NOL7: variants seen among roughly 807,000 people sequenced by gnomAD.
NOL7 encodes nucleolar protein 7, also known as U3 small nucleolar RNA-associated protein NOL7.
A neutral mutation model predicts 38.4 loss-of-function variants in NOL7; 36 were observed. The ratio of observed to expected loss-of-function variants is 0.94; its 90% confidence interval spans 0.72 to 1.24. The LOEUF is 1.24. NOL7 is among the 50% of genes most tolerant of loss of function. The pLI is 0.00. For missense variants in NOL7, 350 were observed against 315.1 expected, an observed-to-expected ratio of 1.11 and a Z score of -0.84; for synonymous variants, 142 against 126.5, an observed-to-expected ratio of 1.12 and a Z score of -0.82.
chr6:13,615,451 G>A lies in NOL7; in HGVS notation c.93G>A (p.Ala31=). The A allele has an allele frequency of 2.6e-6, 4 of 1,550,028 alleles. No homozygotes were observed. The highest frequency in any genetic ancestry group is 1.8e-4 in the Middle Eastern group (1 of 5,686). The part of the protein sequence containing the change: ...EGQLASEEEE[A]EHGLLLGQPS... ...AGCTGGCCTCGGAGGAGGAGGAGGCGGAGCACGGGCTGTTGCTCGGGCAGC... is the reference window on the plus strand; with the variant it reads ...AGCTGGCCTCGGAGGAGGAGGAGGCAGAGCACGGGCTGTTGCTCGGGCAGC... The change falls in exon 1 of 8, where the codon GCG becomes GCA. Residue 31 remains alanine, a synonymous_variant. Coordinates refer to ENST00000451315, the MANE Select transcript of NOL7 (RefSeq NM_016167.5).
chr6:13,617,144 C>G (rs1584899339), intron 3 of NOL7, among the ~76,000 whole-genome samples: 1 of 152,086 alleles, frequency 6.6e-6, no homozygotes, highest in African/African-American at 2.4e-5. Flanking sequence ...AAGAGTTACT[C>G]AGATCCTGAA....
downstream of NOL7, chr6:13,622,488 G>A (rs760604355): frequency 5.1e-6 from 8 of 1,560,718 alleles, no homozygotes; most frequent in Admixed American, 1.0e-4. Context: ...GCAGATTGTG[G>A]GTTTCTGAGG....
intron 8 of NOL7, among the ~76,000 whole-genome samples, chr6:13,630,479 A>G (rs1441280702): frequency 6.6e-6 from 1 of 152,034 alleles, no homozygotes; most frequent in African/African-American, 2.4e-5. Flanking sequence ...AAGAAAACCA[A>G]GTCAGATGAC....
At chr6:13,622,180 T>G (rs1764469636), downstream of NOL7, 1 of 507,696 alleles carries the variant, frequency 2.0e-6, no homozygotes, top group Non-Finnish European at 3.0e-6. Context: ...GGAAAATAAT[T>G]TCTCCTAACA....
chr6:13,625,465 T>G (rs1055341665), downstream of NOL7, among the ~76,000 whole-genome samples: 5 of 152,216 alleles, frequency 3.3e-5, no homozygotes, highest in African/African-American at 9.6e-5. Flanking sequence ...ACTGTTTTTA[T>G]TCTATTTAAA....
chr6:13,616,716 C>T (rs1193874781), intron 3 of NOL7, among the ~76,000 whole-genome samples, 195 bp downstream of exon 3: 2 of 152,160 alleles, frequency 1.3e-5, no homozygotes, highest in African/African-American at 4.8e-5. Flanking sequence ...TTTGTTCATT[C>T]CCATAGCTAG....
At chr6:13,630,612 G>A (rs1356933983) in intron 8 of NOL7, among the ~76,000 whole-genome samples, 2 of 151,968 alleles carry the variant, frequency 1.3e-5, no homozygotes, top group African/African-American at 2.4e-5. Context: ...AAACCTTTCA[G>A]GGGATCTGTG....
Position 13,617,946 on chromosome 6 carries a change from A to G in NOL7, c.419-112A>G, listed in dbSNP as rs1764332695. The G allele has an allele frequency of 1.9e-5, 19 of 996,102 alleles. No individual in the cohort carries two copies. In the East Asian group the frequency reaches 4.4e-4, roughly 23 times the overall value. 61.7% of individuals were successfully genotyped at this position (996,102 alleles called of 1,614,324 possible). On this transcript the variant is annotated intron_variant, in intron 4 of 7. Transcript: ENST00000451315. ...GGCCTATTCCCTGTATTTCATACAA[A>G]TAAAAACTGCATCCACATTGGTGTG... is the stretch of plus-strand genomic sequence containing the variant.
chr6:13,619,638 G>T (rs1764382257), intron 5 of NOL7, among the ~76,000 whole-genome samples: 1 of 152,070 alleles, frequency 6.6e-6, no homozygotes, highest in African/African-American at 2.4e-5. Flanking sequence ...CTAATGTTTT[G>T]ACTTTTGGTT....
intron 3 of NOL7, among the ~76,000 whole-genome samples, chr6:13,616,726 G>A (rs1021276174): frequency 1.3e-5 from 2 of 152,206 alleles, no homozygotes; most frequent in African/African-American, 4.8e-5. Flanking sequence ...CCCATAGCTA[G>A]CTTTTGAATT....
intron 5 of NOL7, among the ~76,000 whole-genome samples, 162 bp from the exon 6 acceptor site, chr6:13,620,046 C>G (rs1157817146): frequency 6.6e-6 from 1 of 151,998 alleles, no homozygotes; most frequent in Non-Finnish European, 1.5e-5. Context: ...TCCCACTATT[C>G]AGGAGGCTGA....
chr6:13,628,507 T>A (rs1764688088), intron 8 of NOL7, among the ~76,000 whole-genome samples: 1 of 152,220 alleles, frequency 6.6e-6, no homozygotes, highest in Non-Finnish European at 1.5e-5. Context: ...AAATAAGGTT[T>A]TAAATGAAGG....
intron 8 of NOL7, among the ~76,000 whole-genome samples, chr6:13,627,740 ATAAATT>A (rs1187741041): frequency 2.6e-5 from 4 of 152,156 alleles, no homozygotes; most frequent in African/African-American, 9.7e-5. Flanking sequence ...CATAGTACAG[ATAAATT>A]TAAAAAGAAA....
intron 8 of NOL7, among the ~76,000 whole-genome samples, chr6:13,631,222 T>C (rs1764772156): frequency 6.6e-6 from 1 of 152,194 alleles, no homozygotes; most frequent in Admixed American, 6.5e-5. Context: ...GCAGTTTTTA[T>C]ACTATGGAGT....
At chr6:13,617,386 A>C (rs556426420) in intron 3 of NOL7, among the ~76,000 whole-genome samples, 1 of 152,140 alleles carries the variant, frequency 6.6e-6, no homozygotes, top group South Asian at 2.1e-4. Context: ...TCCTGTGCCT[A>C]AACTATTAAA....
downstream of NOL7, among the ~76,000 whole-genome samples, chr6:13,623,026 C>G (rs1764497967): frequency 6.6e-6 from 1 of 152,166 alleles, no homozygotes; most frequent in Non-Finnish European, 1.5e-5. Flanking sequence ...AGAGAACATA[C>G]AGCAGAGCCA....
At chr6:13,619,045 A>G (rs145801914) in intron 5 of NOL7, among the ~76,000 whole-genome samples, 6 of 152,328 alleles carry the variant, frequency 3.9e-5, no homozygotes, top group African/African-American at 1.2e-4. Context: ...TTATTTCAAG[A>G]TACACTGCAG....
chr6:13,620,491 A>T lies in NOL7; in HGVS notation c.700+6A>T, dbSNP rs538457163. On this transcript the variant is annotated splice_donor_region_variant and intron_variant, in intron 7 of 7. Transcript: ENST00000451315. ...GTTTTTGAATAATGCTTGGGGTAAG[A>T]TCCAGCTTTATTCTCCTGTCTCTAA... 6.2e-7 allele frequency: 1 copy of T among 1,610,980 alleles called. No individual in the cohort carries two copies. The highest frequency in any genetic ancestry group is 1.1e-5 in the South Asian group (1 of 91,008).
At chr6:13,630,543 T>G (rs1402756985) in intron 8 of NOL7, among the ~76,000 whole-genome samples, 1 of 152,160 alleles carries the variant, frequency 6.6e-6, no homozygotes, top group Non-Finnish European at 1.5e-5. Context: ...ATTCTTTATT[T>G]CCAAATATGC....
Sources: gnomAD v4.1 joint callset for allele counts (sites outside exome capture counted in the v4.1 genomes callset) on GRCh38, gnomAD v4.1.1 for gene constraint, MANE v1.5 for transcripts, NCBI Gene and HGNC (gene_info 2026-07-23, HGNC 2026-07-21) for gene names.